ANKRD17: variants seen among roughly 807,000 people sequenced by gnomAD.
ANKRD17 encodes the protein ankyrin repeat domain-containing protein 17.
ANKRD17 carries 19 observed loss-of-function variants against 229.7 expected under a neutral mutation model. That is an observed-to-expected ratio of 0.08 (90% CI 0.06 to 0.12). ANKRD17 has a LOEUF of 0.12. Ranked by LOEUF, ANKRD17 falls within the 10% of genes least tolerant of loss-of-function variation. The pLI is 1.00. For synonymous variants in ANKRD17, 1,112 were observed against 1,146.1 expected (o/e 0.97, Z 0.60); for missense variants, 2,176 against 3,176.8 (o/e 0.68, Z 7.57).
chr4:73,172,951 T>C (rs1416162510), intron 2 of ANKRD17, among the ~76,000 whole-genome samples: 2 of 152,164 alleles, frequency 1.3e-5, no homozygotes, highest in Non-Finnish European at 2.9e-5. Context: ...GGAGTAAGTC[T>C]TCACTTATCA....
In ANKRD17 at chr4:73,258,260, G is replaced by A. The variant is rs780316160; in HGVS notation, c.393+16C>T. On this transcript the variant is annotated intron_variant, in intron 1 of 33. Coordinates refer to ENST00000358602, the MANE Select transcript of ANKRD17 (RefSeq NM_032217.5). Reference sequence around the variant, plus strand: ...CAGTCCCTTCCTCCCTCCTTCCTTTGAAACCAGGCCCTTGCCTCAGAAACC... The same window carrying A: ...CAGTCCCTTCCTCCCTCCTTCCTTTAAAACCAGGCCCTTGCCTCAGAAACC... 1.2e-6 allele frequency: 2 copies of A among 1,613,330 alleles called. No homozygotes were observed. Among genetic ancestry groups the A allele is most frequent in the East Asian group, 2.2e-5 (1 of 44,854 alleles).
intron 18 of ANKRD17, among the ~76,000 whole-genome samples, chr4:73,123,625 A>T (rs1727046804): frequency 6.6e-6 from 1 of 152,122 alleles, no homozygotes; most frequent in Non-Finnish European, 1.5e-5. Context: ...TTAATTTACA[A>T]AATGAAGGAT....
chr4:73,094,684 T>C (rs556492467), intron 27 of ANKRD17, among the ~76,000 whole-genome samples: 1 of 149,234 alleles, frequency 6.7e-6, no homozygotes, highest in Non-Finnish European at 1.5e-5. Flanking sequence ...TATATAGACA[T>C]ATATATGTAT....
rs1207852530 is a variant in ANKRD17 at position 73,161,197 on chromosome 4, C to T, written c.699G>A (p.Ser233=). ...RAESTANAGQ[S]DNRSLAEACS... ...GGCAGCAAAAATGTACTTACTTGTC[C>T]GACTGCCCTGCATTTGCTGTGCTTT... is the stretch of plus-strand genomic sequence containing the variant. Residue 233 remains serine, a synonymous_variant, in exon 3 of 34, where the codon TCG becomes TCA. Coordinates refer to ENST00000358602, the MANE Select transcript of ANKRD17 (RefSeq NM_032217.5). 1.1e-5 allele frequency: 18 copies of T among 1,612,288 alleles called. No homozygotes were observed. Among genetic ancestry groups the T allele is most frequent in the East Asian group, 6.7e-5 (3 of 44,892 alleles).
intron 1 of ANKRD17, among the ~76,000 whole-genome samples, chr4:73,206,987 C>T (rs1454946206): frequency 6.6e-6 from 1 of 152,084 alleles, no homozygotes; most frequent in Non-Finnish European, 1.5e-5. Context: ...CCAAGCCTGG[C>T]TAATTTTTGT....
chr4:73,178,358 T>C (rs1490742484), intron 1 of ANKRD17, among the ~76,000 whole-genome samples: 1 of 152,220 alleles, frequency 6.6e-6, no homozygotes, highest in African/African-American at 2.4e-5. Flanking sequence ...AAAAGTGCTT[T>C]ATGTGTACTT....
chr4:73,193,761 C>T (rs753073304), intron 1 of ANKRD17, among the ~76,000 whole-genome samples: 8 of 152,042 alleles, frequency 5.3e-5, no homozygotes, highest in Non-Finnish European at 8.8e-5. Flanking sequence ...TGGCAAAATC[C>T]CATCTCCACA....
rs758523720 is a variant in ANKRD17, at chr4:73,118,841, A to G, written c.4035T>C (p.His1345=). The change falls in exon 22 of 34, where the codon CAT becomes CAC. Residue 1345 remains histidine, a synonymous_variant. Coordinates refer to ENST00000358602, the MANE Select transcript of ANKRD17 (RefSeq NM_032217.5). ...FCELLIGRGA[H]IDVRNKKGNT... ...TCCCCTTCTTGTTACGTACATCAAT[A>G]TGAGCTCCCCTAAAAACCAATGACA... The G allele has an allele frequency of 1.3e-6, 2 of 1,589,082 alleles. No individual in the cohort carries two copies. Among genetic ancestry groups the G allele is most frequent in the Admixed American group, 1.7e-5 (1 of 59,070 alleles).
chr4:73,215,550 G>A (rs182610475), intron 1 of ANKRD17, among the ~76,000 whole-genome samples: 300 of 152,200 alleles, frequency 2.0e-3, no homozygotes, highest in African/African-American at 6.9e-3. Flanking sequence ...GGGCCACTGC[G>A]CCTGGCTGAA....
At chr4:73,120,135 T>C (rs1475316618) in intron 21 of ANKRD17, 27 bp downstream of exon 21, 18 of 1,605,514 alleles carry the variant, frequency 1.1e-5, no homozygotes, top group Non-Finnish European at 1.5e-5. Flanking sequence ...CTTGTGTTCA[T>C]ATATGAAGGG....
chr4:73,204,530 T>A (rs1466640400), intron 1 of ANKRD17, among the ~76,000 whole-genome samples: 1 of 152,032 alleles, frequency 6.6e-6, no homozygotes, highest in Non-Finnish European at 1.5e-5. Context: ...AAAATTTTTT[T>A]AAAGTAAATT....
At chr4:73,175,734 G>C (rs1262786938) in intron 2 of ANKRD17, among the ~76,000 whole-genome samples, 7 of 152,090 alleles carry the variant, frequency 4.6e-5, no homozygotes, top group Non-Finnish European at 7.4e-5. Flanking sequence ...AAATGGTGCT[G>C]GGAAAGCTGG....
intron 15 of ANKRD17, 122 bp downstream of exon 15, chr4:73,139,409 A>G: frequency 8.7e-7 from 1 of 1,143,122 alleles, no homozygotes; most frequent in South Asian, 1.6e-5. Context: ...ATACTTCTAA[A>G]GCTAGACATG....
chr4:73,127,733 C>T (rs1016178700), intron 16 of ANKRD17, among the ~76,000 whole-genome samples: 5 of 152,100 alleles, frequency 3.3e-5, no homozygotes, highest in African/African-American at 4.8e-5. Flanking sequence ...TACTAATAAA[C>T]ATAATAAGCA....
chr4:73,085,555 T>C (rs935600419), intron 29 of ANKRD17, 109 bp from the exon 30 acceptor site: 51 of 1,007,016 alleles, frequency 5.1e-5, no homozygotes, highest in Non-Finnish European at 7.0e-5. Context: ...TTTAGATAAT[T>C]AAAAAAATCC....
Position 73,078,626 on chromosome 4 carries a change from GGACA to G in ANKRD17, c.7408+12_7408+15del. The G allele has an allele frequency of 6.2e-7, 1 of 1,611,956 alleles. No individual in the cohort carries two copies. The highest frequency in any genetic ancestry group is 8.5e-7 in the Non-Finnish European group (1 of 1,178,404). The stretch of plus-strand genomic sequence containing the variant: ...GCATTAAGTTAATTTCTAGAGAGCA[GGACA>G]GAATATCCTACCTTGATTGCCACCA... On this transcript the variant is annotated intron_variant, in intron 31 of 33. Coordinates refer to ENST00000358602, the MANE Select transcript of ANKRD17 (RefSeq NM_032217.5).
intron 1 of ANKRD17, among the ~76,000 whole-genome samples, chr4:73,250,254 T>G (rs147688473): frequency 2.0e-5 from 3 of 152,118 alleles, no homozygotes; most frequent in Admixed American, 2.0e-4. Context: ...CCCATTCTTA[T>G]CAGCATAATT....
chr4:73,203,614 C>T lies in ANKRD17; in HGVS notation c.394-26081G>A, dbSNP rs1578379472. Among the ~76,000 whole-genome samples the T allele has an allele frequency of 2.0e-5, 3 of 151,658 alleles. No homozygotes were observed. In the East Asian group the frequency reaches 5.8e-4, roughly 30 times the overall value. On this transcript the variant is annotated intron_variant, in intron 1 of 33. Coordinates refer to ENST00000358602, the MANE Select transcript of ANKRD17 (RefSeq NM_032217.5). ...CTACTAAAAATACGAAAAAATTAGC[C>T]GGGCTTGGTGGCTGATGCCTGTAGT...
rs1722839252 is a variant in ANKRD17, at chr4:73,091,984, G to A, written c.5644C>T (p.Pro1882Ser). The change falls in exon 29 of 34, where the codon CCA (proline) becomes TCA (serine). Residue 1882 changes from proline (P) to serine (S), a missense_variant. Coordinates refer to ENST00000358602, the MANE Select transcript of ANKRD17 (RefSeq NM_032217.5). Reference protein sequence around the residue: ...NVRPGFPVSLPLAYPPPQFAH... With the variant: ...NVRPGFPVSLSLAYPPPQFAH... Reference sequence around the variant, plus strand: ...AACTGTGGAGGAGGATATGCTAATGGAAGAGAAACTGGAAAACCAGGCCTC... The same window carrying A: ...AACTGTGGAGGAGGATATGCTAATGAAAGAGAAACTGGAAAACCAGGCCTC... 2.5e-6 allele frequency: 4 copies of A among 1,614,094 alleles called. No homozygotes were observed. The highest frequency in any genetic ancestry group is 1.3e-5 in the African/African-American group (1 of 74,928).
Sources: gnomAD v4.1 joint callset for allele counts (sites outside exome capture counted in the v4.1 genomes callset) on GRCh38, gnomAD v4.1.1 for gene constraint, MANE v1.5 for transcripts, NCBI Gene and HGNC (gene_info 2026-07-23, HGNC 2026-07-21) for gene names.